ABCC12: variants seen among roughly 807,000 people sequenced by gnomAD.
ABCC12 encodes ATP binding cassette subfamily C member 12, also known as ATP-binding cassette sub-family C member 12.
In ABCC12, 142 loss-of-function variants were observed where a neutral mutation model predicts 151.1. The observed-to-expected ratio is 0.94, with a 90% CI of 0.82 to 1.08. ABCC12 has a LOEUF of 1.08. Ranked by LOEUF, ABCC12 falls within the 50% of genes least tolerant of loss-of-function variation. The probability of loss-of-function intolerance (pLI) is 0.00; values close to 1 mark genes in which losing one functional copy is unlikely to be tolerated. For synonymous variants in ABCC12, 645 were observed against 646.4 expected, an observed-to-expected ratio of 1.00 and a Z score of 0.03; for missense variants, 1,638 against 1,691.1, an observed-to-expected ratio of 0.97 and a Z score of 0.55.
At chr16:48,084,179 A>C (rs1449651627) in intron 29 of ABCC12, 106 bp from the exon 30 acceptor site, 2 of 1,176,456 alleles carry the variant, frequency 1.7e-6, no homozygotes, top group Admixed American at 5.7e-5. Flanking sequence ...ATAAGACCAC[A>C]AGATGAAAAG....
intron 10 of ABCC12, among the ~76,000 whole-genome samples, chr16:48,129,888 C>A (rs1424152476): frequency 6.6e-6 from 1 of 152,052 alleles, no homozygotes; most frequent in Non-Finnish European, 1.5e-5. Context: ...GTGATGGTGT[C>A]CTTATGTTTG....
intron 3 of ABCC12, 91 bp from the exon 4 acceptor site, chr16:48,144,156 C>T: frequency 2.1e-6 from 3 of 1,433,970 alleles, no homozygotes; most frequent in Non-Finnish European, 2.8e-6. Context: ...CAGCAACAAC[C>T]ACAGCTGCAC....
At chr16:48,113,706 G>C in intron 15 of ABCC12, among the ~76,000 whole-genome samples, 1 of 152,208 alleles carries the variant, frequency 6.6e-6, no homozygotes, top group East Asian at 1.9e-4. Context: ...CTTCCAACTT[G>C]CAAAAAGTTG....
chr16:48,124,112 G>T, intron 12 of ABCC12, 101 bp downstream of exon 12: 3 of 1,264,224 alleles, frequency 2.4e-6, no homozygotes, highest in Non-Finnish European at 2.3e-6. Flanking sequence ...ACAGTGTCCA[G>T]TGCAGCCGAG....
In ABCC12 at chr16:48,115,405, G is replaced by A. The variant is rs374613414; in HGVS notation, c.1989+10C>T. 5.6e-6 allele frequency: 9 copies of A among 1,613,344 alleles called. No individual in the cohort carries two copies. Among genetic ancestry groups the A allele is most frequent in the African/African-American group, 1.3e-5 (1 of 74,916 alleles). Reference sequence around the variant, plus strand: ...TCCCGTGACCTCCTGGATCCTGCATGTCCCATCACCTGTAGCTGGTGGGTC... The same window carrying A: ...TCCCGTGACCTCCTGGATCCTGCATATCCCATCACCTGTAGCTGGTGGGTC... On this transcript the variant is annotated intron_variant, in intron 15 of 30. Coordinates refer to ENST00000311303, the MANE Select transcript of ABCC12 (RefSeq NM_001393797.1).
In ABCC12 at chr16:48,146,403, G is replaced by C; in HGVS notation, c.22C>G (p.Leu8Val). The change falls in exon 3 of 31, where the codon CTT (leucine) becomes GTT (valine). Residue 8 changes from leucine (L) to valine (V), a missense_variant. Leu to Val is a conservative substitution (Grantham distance 32). Coordinates refer to ENST00000311303, the MANE Select transcript of ABCC12 (RefSeq NM_001393797.1). MVGEGPY[L>V]ISDLDQRGRR... is the part of the protein sequence containing the mutation. ...CCTCGCTGGTCCAGATCTGAGATAA[G>C]GTAGGGTCCTTCACCCACCATCCTG... 6.2e-7 allele frequency: 1 copy of C among 1,614,210 alleles called. No individual in the cohort carries two copies. The highest frequency in any genetic ancestry group is 8.5e-7 in the Non-Finnish European group (1 of 1,180,036).
intron 8 of ABCC12, among the ~76,000 whole-genome samples, chr16:48,136,852 G>A (rs1192569130): frequency 1.3e-5 from 2 of 152,180 alleles, no homozygotes; most frequent in African/African-American, 2.4e-5. Flanking sequence ...GGCAGACACC[G>A]CTAGAGCTGA....
intron 13 of ABCC12, among the ~76,000 whole-genome samples, chr16:48,118,279 T>G (rs970477232): frequency 6.6e-6 from 1 of 152,004 alleles, no homozygotes; most frequent in African/African-American, 2.4e-5. Context: ...GCCCACACCC[T>G]CCTCCCTCGG....
intron 2 of ABCC12, among the ~76,000 whole-genome samples, chr16:48,151,846 G>A (rs1965121073): frequency 2.0e-5 from 3 of 152,230 alleles, no homozygotes; most frequent in African/African-American, 7.2e-5. Context: ...GTGTCACTGA[G>A]TAATGCAGAC....
In ABCC12 at chr16:48,138,321, C is replaced by G; in HGVS notation, c.886G>C (p.Asp296His). 6.2e-7 allele frequency: 1 copy of G among 1,613,946 alleles called. No individual in the cohort carries two copies. Among genetic ancestry groups the G allele is most frequent in the Non-Finnish European group, 8.5e-7 (1 of 1,179,852 alleles). The change falls in exon 8 of 31, where the codon GAC becomes CAC. Residue 296 changes from aspartate (D) to histidine (H), a missense_variant. Physicochemically the swap from Asp to His is moderately conservative, Grantham distance 81. Coordinates refer to ENST00000311303, the MANE Select transcript of ABCC12 (RefSeq NM_001393797.1). ...TCATTCATTGTCTGAACTCGCTTGT[C>G]TGTCACCAAAATTGCTGACCTTCGG... ...AFRRSAILVTDKRVQTMNEFL... is the reference protein window; with the variant it reads ...AFRRSAILVTHKRVQTMNEFL...
chr16:48,119,363 G>A (rs1168936051), intron 13 of ABCC12, among the ~76,000 whole-genome samples: 1 of 152,212 alleles, frequency 6.6e-6, no homozygotes, highest in Admixed American at 6.5e-5. Flanking sequence ...ATACACCTGA[G>A]CCATCTCTTT....
intron 13 of ABCC12, among the ~76,000 whole-genome samples, chr16:48,119,917 G>A (rs941324077): frequency 6.6e-6 from 1 of 152,130 alleles, no homozygotes; most frequent in Non-Finnish European, 1.5e-5. Context: ...GGGTCAACTC[G>A]CCTCTCTAGG....
Position 48,115,384 on chromosome 16 carries a change from G to A in ABCC12, c.1989+31C>T, listed in dbSNP as rs372390814. ...TCAGATCCCCAGCCACACCCATCCC[G>A]TGACCTCCTGGATCCTGCATGTCCC... On this transcript the variant is annotated intron_variant, in intron 15 of 30. Coordinates refer to ENST00000311303, the MANE Select transcript of ABCC12 (RefSeq NM_001393797.1). The A allele has an allele frequency of 1.8e-4, 282 of 1,606,344 alleles. 1 individual carries two copies. The Admixed American group carries it at 1.8e-3, about 10-fold the overall frequency.
chr16:48,118,883 A>G (rs1244926710), intron 13 of ABCC12, among the ~76,000 whole-genome samples: 11 of 152,254 alleles, frequency 7.2e-5, no homozygotes, highest in African/African-American at 2.7e-4. Context: ...AAAATTGTGC[A>G]AACAACTAAT....
At chr16:48,131,329 A>G (rs1213708730) in intron 9 of ABCC12, among the ~76,000 whole-genome samples, 1 of 152,100 alleles carries the variant, frequency 6.6e-6, no homozygotes, top group Non-Finnish European at 1.5e-5. Context: ...ACACCACACC[A>G]CAGCCTCAGG....
At chr16:48,098,763 C>T (rs376275231) in intron 23 of ABCC12, among the ~76,000 whole-genome samples, 66 of 152,266 alleles carry the variant, frequency 4.3e-4, no homozygotes, top group African/African-American at 1.5e-3. Flanking sequence ...ATGCAATACA[C>T]GTCAGAAACC....
rs768593598 is a variant in ABCC12 at position 48,085,683 on chromosome 16, T to C, written c.3738A>G (p.Leu1246=). 6.2e-7 allele frequency: 1 copy of C among 1,614,188 alleles called. No homozygotes were observed. Among genetic ancestry groups the C allele is most frequent in the South Asian group, 1.1e-5 (1 of 91,084 alleles). ...CTCCATTTTCTGTGACTTCTGCCTG[T>C]AATTTTTCTGGGAGTTTCATTATCT... The part of the protein sequence containing the change: ...RDTIMKLPEK[L]QAEVTENGEN... Residue 1246 remains leucine (L), a synonymous_variant, in exon 29 of 31, where the codon TTA becomes TTG. Transcript: ENST00000311303.
Position 48,096,728 on chromosome 16 carries a change from C to G in ABCC12, c.3195+18G>C, listed in dbSNP as rs768646653. The G allele has an allele frequency of 6.1e-5, 99 of 1,613,724 alleles. No homozygotes were observed. Among genetic ancestry groups the G allele is most frequent in the Non-Finnish European group, 5.8e-5 (68 of 1,179,722 alleles). On this transcript the variant is annotated intron_variant, in intron 24 of 30. Coordinates refer to ENST00000311303, the MANE Select transcript of ABCC12 (RefSeq NM_001393797.1). ...GCCGGAGCCTCCAGACTAAGCCCAA[C>G]TTTGCACCAGGCATTACCTGGATGA... is the stretch of plus-strand genomic sequence containing the variant.
chr16:48,108,982 G>A (rs1019511340), intron 18 of ABCC12, among the ~76,000 whole-genome samples: 12 of 152,170 alleles, frequency 7.9e-5, no homozygotes, highest in African/African-American at 2.2e-4. Context: ...GCTTTTTCAC[G>A]TGATGAGAGG....
Sources: gnomAD v4.1 joint callset for allele counts (sites outside exome capture counted in the v4.1 genomes callset) on GRCh38, gnomAD v4.1.1 for gene constraint, MANE v1.5 for transcripts, NCBI Gene and HGNC (gene_info 2026-07-23, HGNC 2026-07-21) for gene names.